The following MICU3 variants were observed in gnomAD, a reference collection of about 807,000 sequenced individuals.
MICU3 encodes mitochondrial calcium uptake 3.
MICU3 carries 62 observed loss-of-function variants against 66.5 expected under a neutral mutation model. The observed-to-expected ratio is 0.93, with a 90% CI of 0.76 to 1.15. The LOEUF is 1.15. MICU3 is among the 50% of genes most tolerant of loss of function. The pLI is 0.00. For synonymous variants in MICU3, 308 were observed against 240.7 expected (o/e 1.28, Z -2.59); for missense variants, 779 against 664.4 (o/e 1.17, Z -1.90).
At chr8:17,109,834 C>T (rs1296727031) in intron 11 of MICU3, among the ~76,000 whole-genome samples, 2 of 152,098 alleles carry the variant, frequency 1.3e-5, no homozygotes, top group African/African-American at 4.8e-5. Context: ...GATGACTTCT[C>T]ATACTAACCA....
intron 7 of MICU3, among the ~76,000 whole-genome samples, chr8:17,089,067 GTAATA>G (rs1563359092): frequency 4.6e-5 from 7 of 151,848 alleles, no homozygotes; most frequent in African/African-American, 1.2e-4. Context: ...TAACTTTTAA[GTAATA>G]TAATATATAA....
chr8:17,037,354 A>G (rs1344896348), intron 1 of MICU3, among the ~76,000 whole-genome samples: 7 of 152,176 alleles, frequency 4.6e-5, no homozygotes, highest in African/African-American at 1.4e-4. Context: ...GAGGACTGTG[A>G]AGACTGCCAG....
At chr8:17,053,603 T>G (rs1057294084) in intron 1 of MICU3, among the ~76,000 whole-genome samples, 21 of 152,190 alleles carry the variant, frequency 1.4e-4, no homozygotes. Context: ...AATTTAAAAA[T>G]GAAACTTTTG....
intron 7 of MICU3, among the ~76,000 whole-genome samples, chr8:17,087,336 T>TA (rs1218224071): frequency 6.6e-6 from 1 of 152,020 alleles, no homozygotes; most frequent in Non-Finnish European, 1.5e-5. Flanking sequence ...ATTATGCATG[T>TA]AAAAATTTAA....
chr8:17,125,976 G>T (rs886087059), downstream of MICU3, among the ~76,000 whole-genome samples: 6 of 149,482 alleles, frequency 4.0e-5, no homozygotes, highest in African/African-American at 1.5e-4. Context: ...GTTGCAGTAA[G>T]CTGAGATTTT....
intron 1 of MICU3, among the ~76,000 whole-genome samples, chr8:17,050,351 A>T (rs1815854347): frequency 6.6e-6 from 1 of 151,690 alleles, no homozygotes; most frequent in Admixed American, 6.6e-5. Flanking sequence ...TAGGAAATTT[A>T]TACATATTGA....
intron 1 of MICU3, among the ~76,000 whole-genome samples, chr8:17,030,054 G>A (rs1811745384): frequency 6.6e-6 from 1 of 152,102 alleles, no homozygotes; most frequent in African/African-American, 2.4e-5. Context: ...AATTCAAAGA[G>A]CGACTTTGTG....
chr8:17,135,159 G>C, the MICU3 span, among the ~76,000 whole-genome samples: 1 of 152,162 alleles, frequency 6.6e-6, no homozygotes, highest in Non-Finnish European at 1.5e-5. Flanking sequence ...CCAGCACTTT[G>C]AAAGGCCAGG....
the MICU3 span, among the ~76,000 whole-genome samples, chr8:17,136,094 A>G: frequency 2.0e-5 from 3 of 152,072 alleles, no homozygotes; most frequent in South Asian, 2.1e-4. Flanking sequence ...TACCTAGCAC[A>G]ATCTCCAACA....
intron 1 of MICU3, among the ~76,000 whole-genome samples, chr8:17,044,176 T>C (rs1814679145): frequency 6.6e-6 from 1 of 152,184 alleles, no homozygotes. Context: ...GGGTTGAACA[T>C]TGATGTTCAG....
intron 7 of MICU3, among the ~76,000 whole-genome samples, chr8:17,087,652 G>C (rs1585422797): frequency 6.6e-6 from 1 of 151,874 alleles, no homozygotes; most frequent in Admixed American, 6.6e-5. Flanking sequence ...CACTATACTA[G>C]GTGCTTTCCA....
chr8:17,128,257 C>G, the MICU3 span, among the ~76,000 whole-genome samples: 1 of 151,862 alleles, frequency 6.6e-6, no homozygotes, highest in Non-Finnish European at 1.5e-5. Context: ...CACACACACA[C>G]ACACACACAC....
At chr8:17,088,691 C>A (rs542947689) in intron 7 of MICU3, among the ~76,000 whole-genome samples, 80 of 151,848 alleles carry the variant, frequency 5.3e-4, no homozygotes, top group African/African-American at 1.9e-3. Context: ...AGTAAAAATA[C>A]AGTATTATTC....
chr8:17,136,557 C>T, the MICU3 span, among the ~76,000 whole-genome samples: 1 of 152,078 alleles, frequency 6.6e-6, no homozygotes, highest in Admixed American at 6.6e-5. Flanking sequence ...CCTCTGCTCA[C>T]TCATGGCTCT....
At chr8:17,057,930 C>T (rs928103281) in intron 1 of MICU3, among the ~76,000 whole-genome samples, 1 of 152,016 alleles carries the variant, frequency 6.6e-6, no homozygotes, top group Non-Finnish European at 1.5e-5. Flanking sequence ...TCACTGCAGC[C>T]TCTACGTCTC....
intron 1 of MICU3, among the ~76,000 whole-genome samples, chr8:17,050,160 AT>A (rs1213048412): frequency 3.3e-5 from 5 of 152,172 alleles, no homozygotes; most frequent in Non-Finnish European, 7.4e-5. Context: ...TAGCTATTAA[AT>A]TTTAATAGAA....
chr8:17,032,876 C>G (rs561753906), intron 1 of MICU3, among the ~76,000 whole-genome samples: 3 of 152,274 alleles, frequency 2.0e-5, no homozygotes, highest in East Asian at 3.9e-4. Context: ...GTATTTCAGA[C>G]TTTTTCGTTA....
At chr8:17,075,957 A>G (rs911890402) in intron 3 of MICU3, among the ~76,000 whole-genome samples, 4 of 152,212 alleles carry the variant, frequency 2.6e-5, no homozygotes, top group Non-Finnish European at 5.9e-5. Context: ...ATTAGTTAAT[A>G]TTTATACAGT....
At position 17,051,635 on chromosome 8, in the gene MICU3, T is replaced by C. The variant is rs113775111; in HGVS notation, c.382-12449T>C. On this transcript the variant is annotated intron_variant, in intron 1 of 14. Coordinates refer to ENST00000318063, the MANE Select transcript of MICU3 (RefSeq NM_181723.3). ...ACAGTGAAATCTTACAAACAGAAAA[T>C]AAATGATTTCAAGGGGAAATGAGCC... 2.3e-3 allele frequency among the ~76,000 whole-genome samples: 347 copies of C among 151,870 alleles called. 5 individuals carry two copies. Among genetic ancestry groups the C allele is most frequent in the African/African-American group, 7.8e-3 (324 of 41,396 alleles).
Sources: allele counts gnomAD v4.1 joint callset (sites outside exome capture counted in the v4.1 genomes callset), GRCh38; gene constraint gnomAD v4.1.1; transcripts MANE v1.5; gene names NCBI Gene and HGNC (gene_info 2026-07-23, HGNC 2026-07-21).